Variants in MTMR2 observed in about 807,000 individuals in gnomAD.
MTMR2 encodes the protein myotubularin related protein 2, also known as phosphatidylinositol-3,5-bisphosphate 3-phosphatase MTMR2.
Under a neutral mutation model 86.9 loss-of-function variants are expected in MTMR2, and 55 were observed. The ratio of observed to expected loss-of-function variants is 0.63; its 90% CI spans 0.51 to 0.79. MTMR2 has a LOEUF of 0.79. Among genes scored for constraint, MTMR2 ranks in the 30% least tolerant of loss-of-function variants. MTMR2 has a pLI of 0.00. For missense variants in MTMR2, 659 were observed against 772.3 expected, an observed-to-expected ratio of 0.85 and a Z score of 1.74; for synonymous variants, 241 against 266.8, an observed-to-expected ratio of 0.90 and a Z score of 0.94.
At chr11:95,891,201 A>G (rs1198942445) in intron 1 of MTMR2, among the ~76,000 whole-genome samples, 1 of 152,202 alleles carries the variant, frequency 6.6e-6, no homozygotes, top group African/African-American at 2.4e-5. Context: ...CTGTAATCCC[A>G]GCACTTTGGA....
intron 1 of MTMR2, among the ~76,000 whole-genome samples, chr11:95,894,002 A>T (rs767036396): frequency 6.6e-6 from 1 of 152,134 alleles, no homozygotes; most frequent in Admixed American, 6.6e-5. Context: ...AAAACCCCTC[A>T]GCATAACACT....
chr11:95,900,002 T>C (rs1397431170), intron 1 of MTMR2, among the ~76,000 whole-genome samples: 1 of 152,066 alleles, frequency 6.6e-6, no homozygotes, highest in African/African-American at 2.4e-5. Flanking sequence ...TTATGGAGCA[T>C]CCACTGGGAA....
intron 1 of MTMR2, among the ~76,000 whole-genome samples, chr11:95,897,487 T>C (rs2135571579): frequency 6.6e-6 from 1 of 152,258 alleles, no homozygotes; most frequent in South Asian, 2.1e-4. Context: ...TTATGTACAA[T>C]GGAGTCAAAG....
intron 5 of MTMR2, 64 bp from the exon 6 acceptor site, chr11:95,858,696 T>C (rs1864300568): frequency 9.3e-7 from 1 of 1,080,728 alleles, no homozygotes; most frequent in East Asian, 2.4e-5. Context: ...ATAAATAAGG[T>C]TACTTGGAAC....
intron 4 of MTMR2, 78 bp downstream of exon 4, chr11:95,862,194 T>G: frequency 6.5e-7 from 1 of 1,534,230 alleles, no homozygotes; most frequent in Non-Finnish European, 9.0e-7. Flanking sequence ...ATGCTTTAAT[T>G]AGAAATGATC....
In MTMR2 at chr11:95,850,658, T is replaced by G. The variant is rs927099870; in HGVS notation, c.746A>C (p.Asn249Thr). 3 of 1,614,044 alleles carry G rather than the reference T, an allele frequency of 1.9e-6. No individual in the cohort carries two copies. The African/African-American group carries it at 4.0e-5, about 22-fold the overall frequency. The change falls in exon 8 of 15, where the codon AAT (asparagine) becomes ACT (threonine). Residue 249 changes from asparagine (N) to threonine (T), a missense_variant. Asn to Thr is a moderately conservative substitution (Grantham distance 65). Transcript: ENST00000346299. ...TCTCTTTAATTCTTCATCAGGAATA[T>G]TTGCTGGCACAACCAGGAGGGCAGG... is the stretch of plus-strand genomic sequence containing the variant. The part of the protein sequence containing the change: ...TYPALLVVPA[N>T]IPDEELKRVA...
chr11:95,844,818 A>T, intron 11 of MTMR2, 135 bp downstream of exon 11: 1 of 832,910 alleles, frequency 1.2e-6, no homozygotes, highest in Non-Finnish European at 2.0e-6. Context: ...ATGCTTTCCA[A>T]AACAAGCAAA....
intron 1 of MTMR2, among the ~76,000 whole-genome samples, chr11:95,921,962 G>T (rs1343761866): frequency 2.6e-5 from 4 of 152,074 alleles, no homozygotes; most frequent in Non-Finnish European, 5.9e-5. Context: ...GCACCGTTAG[G>T]TATATTAGTT....
intron 1 of MTMR2, among the ~76,000 whole-genome samples, chr11:95,919,070 C>A (rs1866815324): frequency 6.6e-6 from 1 of 152,164 alleles, no homozygotes; most frequent in Admixed American, 6.5e-5. Flanking sequence ...TTTCTGGACT[C>A]AAGCAATCCC....
chr11:95,913,874 AACAC>A (rs1259556068), intron 1 of MTMR2, among the ~76,000 whole-genome samples: 1 of 152,178 alleles, frequency 6.6e-6, no homozygotes, highest in Non-Finnish European at 1.5e-5. Flanking sequence ...TAACATACAC[AACAC>A]ACATCAATAG....
Position 95,835,463 on chromosome 11 carries a change from A to AAACAT in MTMR2, c.1771-17_1771-13dup. ...TTGTGAATAGGTTCCTGCAAGAGCA[A>AAACAT]AACATAAAATATTCAACTAGGCAAT... On this transcript the variant is annotated splice_polypyrimidine_tract_variant and intron_variant, in intron 14 of 14. Transcript: ENST00000346299. The AAACAT allele has an allele frequency of 6.3e-7, 1 of 1,589,594 alleles. No individual in the cohort carries two copies.
chr11:95,900,461 T>C (rs1866030807), intron 1 of MTMR2, among the ~76,000 whole-genome samples: 1 of 152,176 alleles, frequency 6.6e-6, no homozygotes, highest in Non-Finnish European at 1.5e-5. Flanking sequence ...AATAAAATGA[T>C]AAATTAATTA....
intron 1 of MTMR2, among the ~76,000 whole-genome samples, chr11:95,904,447 G>A (rs2135588586): frequency 6.6e-6 from 1 of 152,250 alleles, no homozygotes; most frequent in African/African-American, 2.4e-5. Flanking sequence ...AAACCTGCTG[G>A]GCTGCATTCC....
intron 6 of MTMR2, among the ~76,000 whole-genome samples, chr11:95,857,976 A>G (rs1478659320): frequency 6.6e-6 from 1 of 152,178 alleles, no homozygotes; most frequent in Non-Finnish European, 1.5e-5. Flanking sequence ...AAAAATTTGA[A>G]CTGGAGTCAT....
At chr11:95,892,463 C>A (rs1199839993) in intron 1 of MTMR2, among the ~76,000 whole-genome samples, 1 of 152,120 alleles carries the variant, frequency 6.6e-6, no homozygotes, top group Non-Finnish European at 1.5e-5. Context: ...TACATGGCCA[C>A]CTCTTTTTAA....
At chr11:95,890,103 T>G (rs1865663911) in intron 1 of MTMR2, among the ~76,000 whole-genome samples, 1 of 152,202 alleles carries the variant, frequency 6.6e-6, no homozygotes, top group East Asian at 1.9e-4. Context: ...AATTGTCACT[T>G]CATTTAAATG....
intron 9 of MTMR2, 66 bp downstream of exon 9, chr11:95,849,607 AC>A: frequency 7.0e-7 from 1 of 1,419,884 alleles, no homozygotes; most frequent in Non-Finnish European, 9.9e-7. Flanking sequence ...TTTTTACTAC[AC>A]TGTGGCCCTG....
At chr11:95,914,313 C>T in intron 1 of MTMR2, 5 of 974,312 alleles carry the variant, frequency 5.1e-6, no homozygotes, top group Non-Finnish European at 6.1e-6. Context: ...AACACATTAA[C>T]TGTAAATAAA....
intron 1 of MTMR2, among the ~76,000 whole-genome samples, chr11:95,897,219 T>C (rs992713799): frequency 1.3e-5 from 2 of 152,134 alleles, no homozygotes; most frequent in Admixed American, 6.6e-5. Context: ...CTCTTTTAGT[T>C]CTAAAGTGGT....
Sources: allele counts gnomAD v4.1 joint callset (sites outside exome capture counted in the v4.1 genomes callset), GRCh38; gene constraint gnomAD v4.1.1; transcripts MANE v1.5; gene names NCBI Gene and HGNC (gene_info 2026-07-23, HGNC 2026-07-21).